Variants in SPAG16 observed in about 807,000 individuals in gnomAD.
The protein encoded by SPAG16 is sperm-associated antigen 16 protein.
Under a neutral mutation model 80.4 loss-of-function variants are expected in SPAG16, and 86 were observed. The ratio of observed to expected loss-of-function variants is 1.07; its 90% CI spans 0.90 to 1.28. SPAG16 has a LOEUF of 1.28. SPAG16 is among the 50% of genes most tolerant of loss of function. The pLI, the probability that SPAG16 is intolerant of heterozygous loss-of-function variation, is 0.00. For synonymous variants in SPAG16, 294 were observed against 265.9 expected, an observed-to-expected ratio of 1.11 and a Z score of -1.03; for missense variants, 870 against 765.3, an observed-to-expected ratio of 1.14 and a Z score of -1.61.
intron 15 of SPAG16, among the ~76,000 whole-genome samples, chr2:214,404,543 A>G (rs1379513725): frequency 6.6e-6 from 1 of 152,222 alleles, no homozygotes. Flanking sequence ...TTAAAAGTAA[A>G]AATATGAAAA....
At chr2:213,446,429 A>G (rs780993664) in intron 9 of SPAG16, among the ~76,000 whole-genome samples, 22 of 152,256 alleles carry the variant, frequency 1.4e-4, no homozygotes, top group Non-Finnish European at 3.2e-4. Context: ...AAGTCACTAC[A>G]GGAATTTTGG....
chr2:213,708,023 T>C (rs2065832751), intron 10 of SPAG16, among the ~76,000 whole-genome samples: 1 of 152,214 alleles, frequency 6.6e-6, no homozygotes, highest in South Asian at 2.1e-4. Context: ...ATAAAGATTT[T>C]CTACCAAACT....
At chr2:213,884,657 T>G (rs2662649) in intron 11 of SPAG16, among the ~76,000 whole-genome samples, 1 of 152,198 alleles carries the variant, frequency 6.6e-6, no homozygotes, top group Non-Finnish European at 1.5e-5. Flanking sequence ...TGTCTCATTA[T>G]ATAAACCCAT....
At chr2:213,950,691 CTTTTTTCTTTCT>C (rs2079713286) in intron 12 of SPAG16, among the ~76,000 whole-genome samples, 1 of 73,356 alleles carries the variant, frequency 1.4e-5, no homozygotes, top group Non-Finnish European at 2.7e-5. Context: ...TCTCTCTTTT[CTTTTTTCTTTCT>C]TTTTTTTTTT....
At chr2:214,352,153 G>T (rs1698455319) in intron 15 of SPAG16, among the ~76,000 whole-genome samples, 1 of 152,098 alleles carries the variant, frequency 6.6e-6, no homozygotes, top group African/African-American at 2.4e-5. Context: ...ACCTCCCAAA[G>T]GTCCCACCTC....
At chr2:213,485,116 C>A (rs1398265334) in intron 9 of SPAG16, among the ~76,000 whole-genome samples, 1 of 151,812 alleles carries the variant, frequency 6.6e-6, no homozygotes, top group African/African-American at 2.4e-5. Context: ...TGCCTCAGCC[C>A]CCCAAGTAGC....
intron 9 of SPAG16, among the ~76,000 whole-genome samples, chr2:213,416,546 G>GTTTTTTTTTTTTTTTTTTT (rs1480038020): frequency 9.7e-6 from 1 of 103,246 alleles, no homozygotes; most frequent in African/African-American, 2.6e-5. Flanking sequence ...TACTTGACTT[G>GTTTTTTTTTTTTTTTTTTT]TTTTTTCTTT....
intron 10 of SPAG16, among the ~76,000 whole-genome samples, chr2:213,798,656 G>C (rs2071193311): frequency 2.0e-5 from 3 of 152,082 alleles, no homozygotes; most frequent in African/African-American, 7.2e-5. Context: ...ATGAGTCAGG[G>C]AGTGACCCAA....
intron 3 of SPAG16, among the ~76,000 whole-genome samples, chr2:213,306,110 C>G (rs910144081): frequency 1.3e-5 from 2 of 152,018 alleles, no homozygotes; most frequent in South Asian, 4.2e-4. Context: ...TCTAGGCTTT[C>G]CAATTTACTG....
intron 10 of SPAG16, among the ~76,000 whole-genome samples, chr2:213,504,873 G>C (rs2074903341): frequency 6.6e-6 from 1 of 152,312 alleles, no homozygotes; most frequent in African/African-American, 2.4e-5. Flanking sequence ...ACTTTCACCT[G>C]ATCTTAGGCC....
intron 10 of SPAG16, among the ~76,000 whole-genome samples, chr2:213,515,142 A>G (rs184977637): frequency 2.6e-5 from 4 of 151,786 alleles, no homozygotes; most frequent in East Asian, 1.9e-4. Flanking sequence ...AAATATTCAA[A>G]CTATTAGATA....
At chr2:213,353,877 T>C (rs1408231837) in intron 7 of SPAG16, among the ~76,000 whole-genome samples, 1 of 152,146 alleles carries the variant, frequency 6.6e-6, no homozygotes, top group African/African-American at 2.4e-5. Context: ...ATTTAGAAAA[T>C]CTTTATTAAT....
chr2:214,031,572 G>A (rs1352006870), intron 13 of SPAG16, among the ~76,000 whole-genome samples: 4 of 137,652 alleles, frequency 2.9e-5, no homozygotes, highest in African/African-American at 1.1e-4. Flanking sequence ...TTGTGCACAT[G>A]TACCCTAAAA....
At chr2:213,925,646 C>T (rs185921938) in intron 11 of SPAG16, among the ~76,000 whole-genome samples, 10 of 152,248 alleles carry the variant, frequency 6.6e-5, no homozygotes, top group South Asian at 2.1e-4. Flanking sequence ...GCCTCTATGC[C>T]CAGCCTTGTT....
At chr2:213,904,847 G>A (rs77544078) in intron 11 of SPAG16, among the ~76,000 whole-genome samples, 1,821 of 152,186 alleles carry the variant, frequency 0.012, 42 homozygotes, top group African/African-American at 0.038. Context: ...GTGGTAACTC[G>A]GTGGGTGGTA....
intron 10 of SPAG16, among the ~76,000 whole-genome samples, chr2:213,829,164 G>A (rs543816719): frequency 6.6e-6 from 1 of 152,138 alleles, no homozygotes; most frequent in African/African-American, 2.4e-5. Context: ...TTGCTGTCTG[G>A]GAGCCAGGGC....
At chr2:213,700,003 G>A (rs757185588) in intron 10 of SPAG16, among the ~76,000 whole-genome samples, 17 of 152,318 alleles carry the variant, frequency 1.1e-4, no homozygotes, top group Middle Eastern at 6.8e-3. Context: ...CTGGATATCT[G>A]AAGCAATAGT....
At chr2:213,678,068 A>G (rs1282791699) in intron 10 of SPAG16, among the ~76,000 whole-genome samples, 1 of 152,126 alleles carries the variant, frequency 6.6e-6, no homozygotes, top group East Asian at 1.9e-4. Flanking sequence ...CTTTGAAACC[A>G]AGGAGAACAA....
At chr2:213,877,004 C>T (rs1205928632) in intron 11 of SPAG16, among the ~76,000 whole-genome samples, 2 of 152,168 alleles carry the variant, frequency 1.3e-5, no homozygotes, top group African/African-American at 4.8e-5. Context: ...GATTTCTCTG[C>T]TTAACTATAT....
Sources: gnomAD v4.1 joint callset for allele counts (sites outside exome capture counted in the v4.1 genomes callset) on GRCh38, gnomAD v4.1.1 for gene constraint, MANE v1.5 for transcripts, NCBI Gene and HGNC (gene_info 2026-07-23, HGNC 2026-07-21) for gene names.